DNAH3: variants seen among roughly 807,000 people sequenced by gnomAD.
DNAH3 encodes axonemal beta dynein heavy chain 3.
In DNAH3, 332 loss-of-function variants were observed where a neutral mutation model predicts 432.5. The observed-to-expected ratio is 0.77, with a 90% CI of 0.70 to 0.84. DNAH3 has a LOEUF of 0.84. Among genes scored for constraint, DNAH3 ranks in the 40% least tolerant of loss-of-function variants. DNAH3 has a pLI of 0.00. For missense variants in DNAH3, 4,861 were observed against 5,114.0 expected (o/e 0.95, Z 1.51); for synonymous variants, 1,956 against 1,900.2 (o/e 1.03, Z -0.76).
chr16:20,979,294 GC>G (rs577404185), intron 50 of DNAH3, 35 bp downstream of exon 50: 5 of 1,601,352 alleles, frequency 3.1e-6, no homozygotes, highest in Non-Finnish European at 4.3e-6. Context: ...CTCGTCCCGG[GC>G]CTCTTTGTCT....
chr16:20,969,289 T>C (rs552100818), intron 52 of DNAH3, among the ~76,000 whole-genome samples: 1 of 150,448 alleles, frequency 6.6e-6, no homozygotes, highest in Non-Finnish European at 1.5e-5. Flanking sequence ...TGCATGTGTG[T>C]GCATGTGTGT....
At position 20,985,116 on chromosome 16, in the gene DNAH3, T is replaced by G; in HGVS notation, c.7626A>C (p.Glu2542Asp). Reference sequence around the variant, plus strand: ...AGTTATACATAGAAAGAGGAGTGACTTCAACCTTCTCTCCTTGGGTCCTGG... The same window carrying G: ...AGTTATACATAGAAAGAGGAGTGACGTCAACCTTCTCTCCTTGGGTCCTGG... Residue 2542 changes from glutamate (E) to aspartate (D), a missense_variant, in exon 48 of 62, where the codon GAA becomes GAC. Transcript: ENST00000261383. 1 of 1,614,166 alleles carries G rather than the reference T, an allele frequency of 6.2e-7. No individual in the cohort carries two copies. The highest frequency in any genetic ancestry group is 8.5e-7 in the Non-Finnish European group (1 of 1,180,020).
rs566618442 is a variant in DNAH3, at chr16:21,078,356, C to T, written c.2970-2795G>A. On this transcript the variant is annotated intron_variant, in intron 20 of 61. Coordinates refer to ENST00000261383, the Ensembl canonical transcript of DNAH3. ...ATCAAATAGGACCAATTAAATAGAG[C>T]GGAGAACCCTCATTTAGCCTCTAGA... 1.9e-4 allele frequency among the ~76,000 whole-genome samples: 29 copies of T among 150,930 alleles called. 1 individual carries two copies. Among genetic ancestry groups the T allele is most frequent in the African/African-American group, 5.6e-4 (23 of 41,060 alleles).
At chr16:21,139,642 A>G (rs536805538) in intron 5 of DNAH3, among the ~76,000 whole-genome samples, 2 of 151,240 alleles carry the variant, frequency 1.3e-5, no homozygotes, top group African/African-American at 2.4e-5. Context: ...ATACCCAGCT[A>G]ATTTTTGTAG....
chr16:20,969,644 C>T (rs1430425914), intron 52 of DNAH3, 148 bp downstream of exon 52: 5 of 900,896 alleles, frequency 5.6e-6, no homozygotes, highest in South Asian at 1.6e-5. Context: ...CTTGGGTGCA[C>T]ACACACAGCC....
intron 44 of DNAH3, among the ~76,000 whole-genome samples, chr16:20,994,711 C>T (rs908448454): frequency 8.5e-5 from 13 of 152,058 alleles, no homozygotes; most frequent in Admixed American, 7.2e-4. Flanking sequence ...AATTTGACTA[C>T]TTTGAGTACC....
At chr16:20,934,175 A>ATAATTTGAAT (rs1885688572) in intron 61 of DNAH3, among the ~76,000 whole-genome samples, 1 of 152,218 alleles carries the variant, frequency 6.6e-6, no homozygotes. Flanking sequence ...AAATCATTCA[A>ATAATTTGAAT]ATTATACTTT....
chr16:21,109,101 C>G, intron 14 of DNAH3, among the ~76,000 whole-genome samples: 1 of 126,282 alleles, frequency 7.9e-6, no homozygotes, highest in South Asian at 2.5e-4. Context: ...CCAGCCTGAA[C>G]AACAGAGCGA....
At chr16:21,137,782 A>G (rs1381379798) in intron 5 of DNAH3, among the ~76,000 whole-genome samples, 1 of 152,154 alleles carries the variant, frequency 6.6e-6, no homozygotes, top group Non-Finnish European at 1.5e-5. Flanking sequence ...AAACACACAA[A>G]TGAAACAAAA....
intron 53 of DNAH3, among the ~76,000 whole-genome samples, chr16:20,960,585 C>T (rs985984695): frequency 2.0e-5 from 3 of 152,126 alleles, no homozygotes; most frequent in South Asian, 2.1e-4. Context: ...GCCTGTAGTC[C>T]GAGCTACTCG....
intron 24 of DNAH3, 129 bp from the exon 25 acceptor site, chr16:21,062,812 C>T (rs2090409478): frequency 1.5e-6 from 1 of 680,566 alleles, no homozygotes; most frequent in Non-Finnish European, 2.4e-6. Flanking sequence ...TTCACAAAGG[C>T]CCACTCTCTT....
At chr16:20,966,342 CCCAG>C (rs1161074380) in intron 52 of DNAH3, among the ~76,000 whole-genome samples, 7 of 151,848 alleles carry the variant, frequency 4.6e-5, no homozygotes, top group Non-Finnish European at 1.0e-4. Flanking sequence ...CCCAGCTGTG[CCCAG>C]CCAATCTTTG....
exon 17 of DNAH3, chr16:21,098,674 T>C (rs1289088969): frequency 5.0e-6 from 8 of 1,613,878 alleles, no homozygotes; most frequent in African/African-American, 1.3e-5. Flanking sequence ...CTTTTCAACA[T>C]TGTGCTTCAT....
In DNAH3 at chr16:21,104,396, A is replaced by T. The variant is rs779178010; in HGVS notation, c.2366+75T>A. 2.1e-5 allele frequency: 29 copies of T among 1,350,162 alleles called. 1 individual carries two copies. The highest frequency in any genetic ancestry group is 2.9e-5 in the Non-Finnish European group (27 of 942,634). 83.6% of individuals were successfully genotyped at this position (1,350,162 alleles called of 1,614,324 possible). On this transcript the variant is annotated intron_variant, in intron 16 of 61. Coordinates refer to ENST00000261383, the Ensembl canonical transcript of DNAH3. Reference sequence around the variant, plus strand: ...TGGAGTGAGCTGGGGGATGGCTTAGACAGAACCAGGAACCTGCAGCATGGG... The same window carrying T: ...TGGAGTGAGCTGGGGGATGGCTTAGTCAGAACCAGGAACCTGCAGCATGGG...
chr16:21,040,644 C>A (rs911562561), intron 32 of DNAH3, among the ~76,000 whole-genome samples: 1 of 152,004 alleles, frequency 6.6e-6, no homozygotes, highest in Non-Finnish European at 1.5e-5. Flanking sequence ...CAGATTAAGG[C>A]GTGAGCTACC....
intron 7 of DNAH3, among the ~76,000 whole-genome samples, chr16:21,130,489 GA>G (rs2092537302): frequency 6.6e-6 from 1 of 151,970 alleles, no homozygotes; most frequent in Non-Finnish European, 1.5e-5. Flanking sequence ...ATTTTTAGTA[GA>G]GACAGGGTTT....
chr16:21,067,992 C>T (rs1263946483), intron 23 of DNAH3, among the ~76,000 whole-genome samples: 1 of 152,086 alleles, frequency 6.6e-6, no homozygotes, highest in African/African-American at 2.4e-5. Context: ...GTCACTTGCA[C>T]CCAAACAACC....
chr16:21,025,803 G>T (rs1298729025), intron 38 of DNAH3, among the ~76,000 whole-genome samples: 2 of 151,172 alleles, frequency 1.3e-5, no homozygotes, highest in Non-Finnish European at 2.9e-5. Context: ...GTGTGATCTC[G>T]GCTCACTGCA....
chr16:21,081,031 C>T (rs1167278446), intron 20 of DNAH3, among the ~76,000 whole-genome samples: 1 of 152,104 alleles, frequency 6.6e-6, no homozygotes, highest in African/African-American at 2.4e-5. Flanking sequence ...GATCCTCTGG[C>T]CTTAGCTTCC....
Sources: allele counts gnomAD v4.1 joint callset (sites outside exome capture counted in the v4.1 genomes callset), GRCh38; gene constraint gnomAD v4.1.1; transcripts MANE v1.5; gene names NCBI Gene and HGNC (gene_info 2026-07-23, HGNC 2026-07-21).